HMCN1: variants seen among roughly 807,000 people sequenced by gnomAD.
HMCN1 encodes the protein hemicentin 1.
A neutral mutation model predicts 625.9 loss-of-function variants in HMCN1; 321 were observed. That is an observed-to-expected ratio of 0.51 (90% confidence interval 0.47 to 0.56). HMCN1 has a LOEUF of 0.56. Ranked by LOEUF, HMCN1 falls within the 20% of genes least tolerant of loss-of-function variation. The pLI is 0.00. For missense variants in HMCN1, 6,588 were observed against 6,887.3 expected (o/e 0.96, Z 1.54); for synonymous variants, 2,425 against 2,417.6 (o/e 1.00, Z -0.09).
intron 18 of HMCN1, 52 bp downstream of exon 18, chr1:185,982,441 CTTTT>C (rs71663134): frequency 4.2e-5 from 51 of 1,226,856 alleles, no homozygotes; most frequent in Admixed American, 8.7e-5. Context: ...GTTTTCTTTT[CTTTT>C]TTTTTTTTTT....
intron 1 of HMCN1, among the ~76,000 whole-genome samples, chr1:185,835,468 T>C (rs1456863371): frequency 6.6e-6 from 1 of 152,204 alleles, no homozygotes; most frequent in Non-Finnish European, 1.5e-5. Context: ...TGTGGATGCT[T>C]TCCTATTATC....
intron 30 of HMCN1, 70 bp from the exon 31 acceptor site, chr1:186,015,089 A>C (rs903112722): frequency 7.4e-7 from 1 of 1,342,352 alleles, no homozygotes; most frequent in African/African-American, 1.4e-5. Context: ...TTAAACATCT[A>C]TAGCATTTAA....
intron 4 of HMCN1, among the ~76,000 whole-genome samples, chr1:185,887,296 T>A (rs1664722936): frequency 2.0e-5 from 3 of 151,870 alleles, no homozygotes; most frequent in Admixed American, 1.3e-4. Context: ...TAAATGAAAT[T>A]TATTTATTTA....
In HMCN1 at chr1:186,189,947, T is replaced by TTA; in HGVS notation, c.*70_*71dup. 6.4e-7 allele frequency: 1 copy of TTA among 1,560,724 alleles called. No individual in the cohort carries two copies. Among genetic ancestry groups the TTA allele is most frequent in the Non-Finnish European group, 8.8e-7 (1 of 1,140,026 alleles). ...CATGGCAATCAAGCCCCCTTCCAGA[T>TTA]TACTGTCTCTTGAACAGTTGCAATC... On this transcript the variant is annotated 3_prime_UTR_variant, in exon 107 of 107. Coordinates refer to ENST00000271588, the MANE Select transcript of HMCN1 (RefSeq NM_031935.3).
chr1:186,140,118 A>C (rs1316217164), intron 89 of HMCN1, among the ~76,000 whole-genome samples: 1 of 152,166 alleles, frequency 6.6e-6, no homozygotes, highest in African/African-American at 2.4e-5. Flanking sequence ...AAAATTGGGA[A>C]ATTTTAACAT....
intron 12 of HMCN1, among the ~76,000 whole-genome samples, chr1:185,963,092 T>G (rs1487729935): frequency 6.6e-6 from 1 of 152,198 alleles, no homozygotes; most frequent in East Asian, 1.9e-4. Flanking sequence ...TTGTCATTAC[T>G]TCCATTTTTG....
chr1:186,040,926 T>C lies in HMCN1; in HGVS notation c.6181-87T>C, dbSNP rs566187489. On this transcript the variant is annotated intron_variant, in intron 39 of 106. Coordinates refer to ENST00000271588, the MANE Select transcript of HMCN1 (RefSeq NM_031935.3). Reference sequence around the variant, plus strand: ...TTCCTAAAAGGCAAATGTCAACTGATAAGCCTCAAAAAAATAAGAGAAAAA... The same window carrying C: ...TTCCTAAAAGGCAAATGTCAACTGACAAGCCTCAAAAAAATAAGAGAAAAA... 2.4e-4 allele frequency: 346 copies of C among 1,447,546 alleles called. 7 individuals carry two copies. In the South Asian group the frequency reaches 3.2e-3, roughly 13 times the overall value. 89.7% of individuals were successfully genotyped at this position (1,447,546 alleles called of 1,614,324 possible).
At chr1:185,892,331 C>T (rs924543574) in intron 4 of HMCN1, among the ~76,000 whole-genome samples, 2 of 152,038 alleles carry the variant, frequency 1.3e-5, no homozygotes, top group Non-Finnish European at 2.9e-5. Context: ...ATTCTCCGTC[C>T]AGCTTTGTTC....
intron 4 of HMCN1, among the ~76,000 whole-genome samples, chr1:185,891,370 A>C (rs1665069686): frequency 6.8e-6 from 1 of 146,336 alleles, no homozygotes; most frequent in Admixed American, 6.6e-5. Flanking sequence ...TTAGCTGGTT[A>C]TTTTGCTCGT....
In HMCN1 at chr1:186,125,839, A is replaced by C. The variant is rs750310405; in HGVS notation, c.12690+45A>C. Reference sequence around the variant, plus strand: ...ACAGATACATTAAGCCAGATTGTAAATTTGCCATCATACTTTTAGTAATTT... The same window carrying C: ...ACAGATACATTAAGCCAGATTGTAACTTTGCCATCATACTTTTAGTAATTT... On this transcript the variant is annotated intron_variant, in intron 82 of 106. Coordinates refer to ENST00000271588, the MANE Select transcript of HMCN1 (RefSeq NM_031935.3). 9 of 1,433,900 alleles carry C rather than the reference A, an allele frequency of 6.3e-6. No homozygotes were observed. In the East Asian group the frequency reaches 6.9e-5, roughly 11 times the overall value. 88.8% of individuals were successfully genotyped at this position (1,433,900 alleles called of 1,614,324 possible).
chr1:186,028,727 T>A (rs1203686287), intron 36 of HMCN1, among the ~76,000 whole-genome samples: 11 of 137,412 alleles, frequency 8.0e-5, no homozygotes, highest in South Asian at 2.3e-4. Context: ...TAAAGCATAT[T>A]TTTTTTTTTT....
In HMCN1 at chr1:185,770,893, T is replaced by G. The variant is rs1656195509; in HGVS notation, c.268+35846T>G. ...AGACTATTAGTTAAAGGTAGGACTG[T>G]CATATCACACCCAGCTCATCTCCAG... On this transcript the variant is annotated intron_variant, in intron 1 of 106. Coordinates refer to ENST00000271588, the MANE Select transcript of HMCN1 (RefSeq NM_031935.3). Among the ~76,000 whole-genome samples the G allele has an allele frequency of 2.0e-5, 3 of 152,280 alleles. No homozygotes were observed. The South Asian group carries it at 6.2e-4, about 32-fold the overall frequency.
chr1:186,119,848 T>C lies in HMCN1; in HGVS notation c.12060T>C (p.Thr4020=). ...EATGTPSPFI[T]WQKEGINVNT... ...CAGGGACACCCAGTCCTTTCATTAC[T>C]TGGCAAAAAGAAGGCATCAATGTTA... Residue 4020 remains threonine, a synonymous_variant, in exon 79 of 107, where the codon ACT becomes ACC. Transcript: ENST00000271588. 1 of 1,614,134 alleles carries C rather than the reference T, an allele frequency of 6.2e-7. No individual in the cohort carries two copies. Among genetic ancestry groups the C allele is most frequent in the Non-Finnish European group, 8.5e-7 (1 of 1,180,000 alleles).
chr1:186,145,298 T>A, intron 91 of HMCN1, 105 bp from the exon 92 acceptor site: 2 of 1,138,794 alleles, frequency 1.8e-6, no homozygotes, highest in South Asian at 1.6e-5. Context: ...TTGTTTTAGG[T>A]GCTGAGAAGA....
chr1:186,158,811 C>G (rs1006237470), intron 97 of HMCN1, among the ~76,000 whole-genome samples: 5 of 152,006 alleles, frequency 3.3e-5, no homozygotes, highest in African/African-American at 1.2e-4. Flanking sequence ...GTTTTGGTAC[C>G]AGTACCATGC....
rs1658689725 is a variant in HMCN1, at chr1:186,074,645, CATTT to C, written c.8140-90_8140-87del. 20 of 1,060,548 alleles carry C rather than the reference CATTT, an allele frequency of 1.9e-5. 1 individual carries two copies. The South Asian group carries it at 2.6e-4, about 14-fold the overall frequency. 65.7% of individuals were successfully genotyped at this position (1,060,548 alleles called of 1,614,324 possible). ...AATGTTTTGCATACAATTTTATTTT[CATTT>C]ATTTAAAAAATCACAAAAACTATCA... is the stretch of plus-strand genomic sequence containing the variant. On this transcript the variant is annotated intron_variant, in intron 52 of 106. Coordinates refer to ENST00000271588, the MANE Select transcript of HMCN1 (RefSeq NM_031935.3).
At chr1:186,046,994 AACC>A (rs1034882972) in intron 41 of HMCN1, among the ~76,000 whole-genome samples, 4 of 152,134 alleles carry the variant, frequency 2.6e-5, no homozygotes, top group Non-Finnish European at 5.9e-5. Flanking sequence ...CCATGCTACT[AACC>A]ACCACATAGC....
chr1:186,047,105 G>C (rs907576258), intron 41 of HMCN1, among the ~76,000 whole-genome samples: 1 of 152,114 alleles, frequency 6.6e-6, no homozygotes, highest in Non-Finnish European at 1.5e-5. Context: ...GAAGACAGAA[G>C]CATGGGTGTG....
rs566568748 is a variant in HMCN1 at position 185,949,937 on chromosome 1, C to G, written c.1829-12581C>G. 9.6e-4 allele frequency among the ~76,000 whole-genome samples: 139 copies of G among 144,398 alleles called. 1 individual carries two copies. Among genetic ancestry groups the G allele is most frequent in the African/African-American group, 1.6e-3 (63 of 39,612 alleles). The allele number at this position is 144,398 out of a possible 152,430, so 94.7% of individuals were successfully genotyped here. ...TTATTTCCTTGAGGATAGATTTCCA[C>G]GATGGAAAGGAAATGAGAGGTTCTA... is the stretch of plus-strand genomic sequence containing the variant. On this transcript the variant is annotated intron_variant, in intron 11 of 106. Transcript: ENST00000271588.
Sources: allele counts gnomAD v4.1 joint callset (sites outside exome capture counted in the v4.1 genomes callset), GRCh38; gene constraint gnomAD v4.1.1; transcripts MANE v1.5; gene names NCBI Gene and HGNC (gene_info 2026-07-23, HGNC 2026-07-21).